The following MPND variants were observed in gnomAD, a reference collection of about 807,000 sequenced individuals.
MPND encodes MPN domain-containing protein.
Under a neutral mutation model 59.2 loss-of-function variants are expected in MPND, and 56 were observed. The observed-to-expected ratio is 0.95, with a 90% CI of 0.76 to 1.18. The LOEUF (loss-of-function observed/expected upper bound fraction) is 1.18, where lower values mean the gene tolerates loss of function less well. Ranked by LOEUF, MPND falls within the 50% of genes most tolerant of loss-of-function variation. MPND has a pLI of 0.00. For synonymous variants in MPND, 323 were observed against 291.9 expected, an observed-to-expected ratio of 1.11 and a Z score of -1.09; for missense variants, 671 against 676.0, an observed-to-expected ratio of 0.99 and a Z score of 0.08.
chr19:4,352,802 G>A (rs1157138067), intron 3 of MPND, 95 bp from the exon 4 acceptor site: 7 of 1,266,512 alleles, frequency 5.5e-6, no homozygotes, highest in South Asian at 7.2e-5. Context: ...TGGCACTTAC[G>A]GCTTAGGCCA....
chr19:4,345,751 A>G lies in MPND; in HGVS notation c.301A>G (p.Lys101Glu). Residue 101 changes from lysine to glutamate, a missense_variant, in exon 3 of 13, where the codon AAG becomes GAG. Coordinates refer to ENST00000599840, the MANE Select transcript of MPND (RefSeq NM_001300862.2). ...GVLSIYYLGK[K>E]FLGDLQPDGR... ...CAGCTGACTGTCACTGCAGGGGAAGAAGTTCCTGGGCGACCTGCAGCCAGA... is the reference window on the plus strand; with the variant it reads ...CAGCTGACTGTCACTGCAGGGGAAGGAGTTCCTGGGCGACCTGCAGCCAGA... 1 of 1,613,778 alleles carries G rather than the reference A, an allele frequency of 6.2e-7. No homozygotes were observed. The highest frequency in any genetic ancestry group is 1.3e-5 in the African/African-American group (1 of 75,044).
intron 4 of MPND, 76 bp downstream of exon 4, chr19:4,353,105 G>A (rs1972359425): frequency 8.3e-7 from 1 of 1,199,688 alleles, no homozygotes; most frequent in South Asian, 3.3e-5. Flanking sequence ...GGAGAGGTTG[G>A]GCCTTGATCT....
intron 6 of MPND, 33 bp downstream of exon 6, chr19:4,354,453 C>T (rs746836249): frequency 2.0e-5 from 30 of 1,533,164 alleles, no homozygotes; most frequent in Non-Finnish European, 2.4e-5. Flanking sequence ...GGGCAAGGGG[C>T]TCCGGAGCCC....
At position 4,355,087 on chromosome 19, in the gene MPND, C is replaced by A. The variant is rs1237368141; in HGVS notation, c.920-10C>A. The A allele has an allele frequency of 6.2e-7, 1 of 1,613,840 alleles. No individual in the cohort carries two copies. ...CGGGGTCACGGGGTCACAGCTGCCC[C>A]TCCCCACAGTGCTGACGGTGCTCAG... On this transcript the variant is annotated splice_polypyrimidine_tract_variant and intron_variant, in intron 7 of 12. Transcript: ENST00000599840.
chr19:4,356,481 G>A (rs914185522), intron 8 of MPND, among the ~76,000 whole-genome samples: 1 of 152,140 alleles, frequency 6.6e-6, no homozygotes, highest in African/African-American at 2.4e-5. Flanking sequence ...GGAGGTTGAG[G>A]CTTCAGTGAG....
chr19:4,343,616 C>CGGGGCGGA lies in MPND; in HGVS notation c.7+19_7+26dup. ...GCCATGGCAGGTACGGCGGGCCCAG[C>CGGGGCGGA]GGGGCGGAGGCGCGGGGCGCGGGGC... is the stretch of plus-strand genomic sequence containing the variant. On this transcript the variant is annotated intron_variant, in intron 1 of 12. Transcript: ENST00000599840. The CGGGGCGGA allele has an allele frequency of 1.1e-6, 1 of 945,874 alleles. No individual in the cohort carries two copies. Among genetic ancestry groups the CGGGGCGGA allele is most frequent in the Non-Finnish European group, 1.3e-6 (1 of 754,326 alleles). 58.6% of individuals were successfully genotyped at this position (945,874 alleles called of 1,614,324 possible). A position where few individuals can be genotyped will look rare whatever the true frequency, so the allele number is the denominator to read the frequency against.
chr19:4,348,647 ATTTTTCTGTTGAATTC>A (rs984485144), intron 3 of MPND: 18 of 147,828 alleles, frequency 1.2e-4, no homozygotes, highest in African/African-American at 3.2e-4. Context: ...TTTTCCTGCC[ATTTTTCTGTTGAATTC>A]TTTTTTTTTT....
At chr19:4,355,917 G>C (rs908920994) in intron 8 of MPND, among the ~76,000 whole-genome samples, 5 of 145,430 alleles carry the variant, frequency 3.4e-5, no homozygotes, top group Non-Finnish European at 4.5e-5. Flanking sequence ...TGCAGGGCGC[G>C]ATCTTGGCTC....
chr19:4,345,862 G>A lies in MPND; in HGVS notation c.412G>A (p.Ala138Thr), dbSNP rs1312393645. 1 of 1,614,104 alleles carries A rather than the reference G, an allele frequency of 6.2e-7. No individual in the cohort carries two copies. The highest frequency in any genetic ancestry group is 1.7e-5 in the Admixed American group (1 of 60,022). The stretch of plus-strand genomic sequence containing the variant: ...CCACTGCAAGAAGCTGGTGAACCCT[G>A]CCAAGAAGTCGGGCTGTGGCTGGGC... Reference protein sequence around the residue: ...ATHCKKLVNPAKKSGCGWASV... With the variant: ...ATHCKKLVNPTKKSGCGWASV... The change falls in exon 3 of 13, where the codon GCC becomes ACC. Residue 138 changes from alanine (A) to threonine (T), a missense_variant. Ala to Thr is a moderately conservative substitution (Grantham distance 58). Coordinates refer to ENST00000599840, the MANE Select transcript of MPND (RefSeq NM_001300862.2).
intron 3 of MPND, among the ~76,000 whole-genome samples, chr19:4,351,222 G>A (rs1972308670): frequency 6.6e-6 from 1 of 152,174 alleles, no homozygotes; most frequent in African/African-American, 2.4e-5. Flanking sequence ...TCCTGCCTCA[G>A]CCTCCTGAGT....
intron 7 of MPND, 32 bp downstream of exon 7, chr19:4,355,053 T>C (rs1972405072): frequency 6.2e-7 from 1 of 1,611,312 alleles, no homozygotes; most frequent in Admixed American, 1.7e-5. Context: ...GGCGGGGGCG[T>C]TGGAGGACCG....
chr19:4,349,986 G>C (rs1313566227), intron 3 of MPND, among the ~76,000 whole-genome samples: 1 of 152,156 alleles, frequency 6.6e-6, no homozygotes, highest in African/African-American at 2.4e-5. Context: ...GTGGCCAACT[G>C]TGTGCAAGGC....
At chr19:4,359,121 G>A (rs746614345) in intron 11 of MPND, 42 bp from the exon 12 acceptor site, 1 of 1,463,192 alleles carries the variant, frequency 6.8e-7, no homozygotes, top group Admixed American at 1.7e-5. Context: ...GGTACCTCAG[G>A]CTTGGAGGGA....
chr19:4,359,865 G>A, intron 12 of MPND, 51 bp from the exon 13 acceptor site: 1 of 1,456,544 alleles, frequency 6.9e-7, no homozygotes, highest in Non-Finnish European at 9.4e-7. Context: ...TGAGGCGCAG[G>A]GCTGGCTAGG....
intron 8 of MPND, among the ~76,000 whole-genome samples, 163 bp downstream of exon 8, chr19:4,355,336 C>CTTTTTTTT (rs3048292): frequency 1.6e-5 from 2 of 124,454 alleles, no homozygotes; most frequent in African/African-American, 6.2e-5. Context: ...AAGAACACTG[C>CTTTTTTTT]TTTTTTTTTT....
At chr19:4,355,886 G>A (rs1430503505) in intron 8 of MPND, among the ~76,000 whole-genome samples, 2 of 126,934 alleles carry the variant, frequency 1.6e-5, no homozygotes, top group African/African-American at 6.1e-5. Context: ...AGACATTCTC[G>A]CTCTGTCGCC....
At position 4,355,182 on chromosome 19, in the gene MPND, C is replaced by T; in HGVS notation, c.996+9C>T. The T allele has an allele frequency of 6.2e-7, 1 of 1,612,402 alleles. No homozygotes were observed. Among genetic ancestry groups the T allele is most frequent in the Non-Finnish European group, 8.5e-7 (1 of 1,179,864 alleles). On this transcript the variant is annotated intron_variant, in intron 8 of 12. Coordinates refer to ENST00000599840, the MANE Select transcript of MPND (RefSeq NM_001300862.2). ...CTGCCATCGAAGAGGAGGTGAGGGG[C>T]TACCTGGGAGGTGGCATTCTGGGGA...
Position 4,360,020 on chromosome 19 carries a change from G to A in MPND, c.*18G>A, listed in dbSNP as rs1350342175. The A allele has an allele frequency of 6.4e-7, 1 of 1,551,826 alleles. No homozygotes were observed. The highest frequency in any genetic ancestry group is 8.7e-7 in the Non-Finnish European group (1 of 1,146,618). ...GGAGCTGAGCCTTCCAGGGCAGGGT[G>A]GGCTCCAGTTGTCTTGAGGGTCCGG... is the stretch of plus-strand genomic sequence containing the variant. On this transcript the variant is annotated 3_prime_UTR_variant, in exon 13 of 13. Transcript: ENST00000599840.
At chr19:4,346,604 A>G (rs951102655) in intron 3 of MPND, among the ~76,000 whole-genome samples, 1 of 151,946 alleles carries the variant, frequency 6.6e-6, no homozygotes, top group African/African-American at 2.4e-5. Flanking sequence ...TTTAGAAGAG[A>G]TGAGGTTTCA....
Sources: allele counts gnomAD v4.1 joint callset (sites outside exome capture counted in the v4.1 genomes callset), GRCh38; gene constraint gnomAD v4.1.1; transcripts MANE v1.5; gene names NCBI Gene and HGNC (gene_info 2026-07-23, HGNC 2026-07-21).